Variants in PHF19 observed in about 807,000 individuals in gnomAD.
The protein encoded by PHF19 is PHD finger protein 19.
In PHF19, 21 loss-of-function variants were observed where a neutral mutation model predicts 79.8. The observed-to-expected ratio is 0.26, with a 90% confidence interval of 0.19 to 0.38. PHF19 has a LOEUF of 0.38. Ranked by LOEUF, PHF19 falls within the 10% of genes least tolerant of loss-of-function variation. The pLI is 1.00. For synonymous variants in PHF19, 273 were observed against 296.3 expected, an observed-to-expected ratio of 0.92 and a Z score of 0.81; for missense variants, 445 against 744.2, an observed-to-expected ratio of 0.60 and a Z score of 4.68.
chr9:120,883,212 G>A (rs184342830), intron 1 of PHF19, among the ~76,000 whole-genome samples: 2 of 152,314 alleles, frequency 1.3e-5, no homozygotes, highest in Admixed American at 6.5e-5. Flanking sequence ...AACCCAGGGG[G>A]TGTAGAAAAG....
intron 1 of PHF19, among the ~76,000 whole-genome samples, chr9:120,890,465 C>T (rs1364524082): frequency 1.3e-5 from 2 of 151,936 alleles, no homozygotes; most frequent in Non-Finnish European, 2.9e-5. Context: ...GGATGCAGGC[C>T]GGTGACGCCA....
chr9:120,857,783 C>G lies in PHF19; in HGVS notation c.*161G>C, dbSNP rs2045393054. The stretch of plus-strand genomic sequence containing the variant: ...ACAGAGCTGGTACAGCAGAGAGACG[C>G]AGGCCTTGGCCTGGCAGGCAGGCAG... On this transcript the variant is annotated 3_prime_UTR_variant, in exon 15 of 15. Transcript: ENST00000373896. 3 of 576,846 alleles carry G rather than the reference C, an allele frequency of 5.2e-6. No individual in the cohort carries two copies. In the Admixed American group the frequency reaches 9.3e-5, roughly 18 times the overall value. The allele number at this position is 576,846 out of a possible 1,614,324, so 35.7% of individuals were successfully genotyped here.
upstream of PHF19, among the ~76,000 whole-genome samples, chr9:120,895,643 G>A (rs1045845114): frequency 2.0e-5 from 3 of 151,816 alleles, no homozygotes; most frequent in Admixed American, 6.6e-5. Context: ...TTCATGTTGC[G>A]TTTATCTAAT....
Position 120,874,661 on chromosome 9 carries a change from C to T in PHF19, c.81G>A (p.Ala27=), listed in dbSNP as rs201566531. The T allele has an allele frequency of 4.0e-5, 64 of 1,613,798 alleles. No homozygotes were observed. The East Asian group carries it at 1.2e-3, about 30-fold the overall frequency. ...AGTCTTTGAAGTTGTTCTTGACCTT[C>T]GCCAGGGCCCCCTTGTTGGGGAGGT... ...TSHLPNKGAL[A]KVKNNFKDLM... is the part of the protein sequence containing the mutation. The change falls in exon 2 of 15, where the codon GCG becomes GCA. Residue 27 remains alanine (A), a synonymous_variant. Coordinates refer to ENST00000373896, the MANE Select transcript of PHF19 (RefSeq NM_015651.3). This position sits in a 1 kb window ranked among gnomAD's most constrained non-coding sequence, Gnocchi z 4.5.
At chr9:120,884,636 G>C (rs902774589) in intron 1 of PHF19, among the ~76,000 whole-genome samples, 23 of 152,088 alleles carry the variant, frequency 1.5e-4, no homozygotes, top group Non-Finnish European at 2.9e-4. Flanking sequence ...GTCTGGGCAC[G>C]GTGGCTCACA....
chr9:120,880,172 T>C (rs1035694899), upstream of PHF19, among the ~76,000 whole-genome samples: 2 of 152,142 alleles, frequency 1.3e-5, no homozygotes, highest in African/African-American at 2.4e-5. Flanking sequence ...ATTGTGAAAA[T>C]TTAGAAATTA....
chr9:120,859,736 A>T (rs757072353), intron 14 of PHF19, among the ~76,000 whole-genome samples: 1 of 152,228 alleles, frequency 6.6e-6, no homozygotes, highest in Non-Finnish European at 1.5e-5. Context: ...AGAGGCAGAG[A>T]GACACCCAAG....
chr9:120,872,037 CAAAAAAAA>C (rs1170243737), intron 3 of PHF19, among the ~76,000 whole-genome samples: 29 of 30,318 alleles, frequency 9.6e-4, no homozygotes, highest in East Asian at 5.1e-3. Flanking sequence ...GACTCTGTCT[CAAAAAAAA>C]AAAAAAAAAA....
At chr9:120,858,858 C>CACAA (rs3047154) in intron 14 of PHF19, among the ~76,000 whole-genome samples, 1 of 150,292 alleles carries the variant, frequency 6.7e-6, no homozygotes, top group Admixed American at 6.6e-5. Flanking sequence ...CACACACACA[C>CACAA]GGGTGTTAGA....
chr9:120,874,893 C>T lies in PHF19; in HGVS notation c.-15-137G>A. ...TTATTATCTCACTGATTCCTCGTGA[C>T]CATCCTATGAGGGAGACATTATTAT... On this transcript the variant is annotated intron_variant, in intron 1 of 14. Transcript: ENST00000373896. This position sits in a 1 kb window ranked among gnomAD's most constrained non-coding sequence, Gnocchi z 4.5. The T allele has an allele frequency of 1.6e-6, 1 of 607,486 alleles. No individual in the cohort carries two copies. The highest frequency in any genetic ancestry group is 2.9e-6 in the Non-Finnish European group (1 of 341,104). 37.6% of individuals were successfully genotyped at this position (607,486 alleles called of 1,614,324 possible).
intron 6 of PHF19, among the ~76,000 whole-genome samples, chr9:120,867,816 T>C (rs1333430218): frequency 6.6e-6 from 1 of 152,076 alleles, no homozygotes; most frequent in Non-Finnish European, 1.5e-5. Flanking sequence ...CTTCAGGGGG[T>C]CCTGACGGCT....
intron 3 of PHF19, among the ~76,000 whole-genome samples, chr9:120,872,042 A>AAAAAG (rs1306663274): frequency 1.2e-4 from 17 of 138,264 alleles, no homozygotes; most frequent in African/African-American, 1.8e-4. Context: ...TGTCTCAAAA[A>AAAAAG]AAAAAAAAAA....
chr9:120,863,620 G>A (rs1364211722), intron 10 of PHF19, among the ~76,000 whole-genome samples: 7 of 152,194 alleles, frequency 4.6e-5, no homozygotes, highest in Admixed American at 2.0e-4. Context: ...AGGTTCAGGA[G>A]GCTGGGCATG....
At chr9:120,877,047 G>A (rs2046083565) in intron 1 of PHF19, 44 bp downstream of exon 1, 2 of 985,446 alleles carry the variant, frequency 2.0e-6, no homozygotes, top group African/African-American at 1.7e-5. Flanking sequence ...AGGGCCGGGA[G>A]GGGAGAGCGT....
intron 1 of PHF19, among the ~76,000 whole-genome samples, chr9:120,884,621 T>G (rs910580515): frequency 1.3e-5 from 2 of 152,108 alleles, no homozygotes; most frequent in African/African-American, 4.8e-5. Flanking sequence ...CAAAAGCTAA[T>G]GCCAGTCTGG....
rs2045393408 is a variant in PHF19, at chr9:120,857,798, C to A, written c.*146G>T. The A allele has an allele frequency of 7.0e-6, 4 of 574,462 alleles. No individual in the cohort carries two copies. In the Admixed American group the frequency reaches 9.5e-5, roughly 14 times the overall value. The allele number at this position is 574,462 out of a possible 1,614,324, so 35.6% of individuals were successfully genotyped here. A position where few individuals can be genotyped will look rare whatever the true frequency, so the allele number is the denominator to read the frequency against. ...CAGAGAGACGCAGGCCTTGGCCTGG[C>A]AGGCAGGCAGGCAGGGCATTCTGCC... On this transcript the variant is annotated 3_prime_UTR_variant, in exon 15 of 15. Coordinates refer to ENST00000373896, the MANE Select transcript of PHF19 (RefSeq NM_015651.3).
intron 1 of PHF19, among the ~76,000 whole-genome samples, chr9:120,890,273 C>CTT (rs10658749): frequency 0.061 from 6,956 of 114,912 alleles, 491 homozygotes; most frequent in African/African-American, 0.17. Context: ...AATGAGCCTG[C>CTT]TTTTTTTTTT....
intron 9 of PHF19, among the ~76,000 whole-genome samples, chr9:120,864,897 A>C (rs1219975436): frequency 1.3e-5 from 2 of 152,300 alleles, no homozygotes; most frequent in Non-Finnish European, 2.9e-5. Flanking sequence ...TTTAAAAAGT[A>C]TACTTCCTTA....
At chr9:120,885,800 G>C (rs2046255431) in intron 1 of PHF19, among the ~76,000 whole-genome samples, 1 of 152,158 alleles carries the variant, frequency 6.6e-6, no homozygotes, top group Admixed American at 6.5e-5. Context: ...TTCTGTTTGA[G>C]TGTTCCATGA....
Sources: gnomAD v4.1 joint callset for allele counts (sites outside exome capture counted in the v4.1 genomes callset) on GRCh38, gnomAD v4.1.1 for gene constraint, Gnocchi (gnomAD v3.1) non-coding constraint, MANE v1.5 for transcripts, NCBI Gene and HGNC (gene_info 2026-07-23, HGNC 2026-07-21) for gene names.